CDH7: variants seen among roughly 807,000 people sequenced by gnomAD.
The protein encoded by CDH7 is cadherin 7.
In CDH7, 25 loss-of-function variants were observed where a neutral mutation model predicts 71.8. The observed-to-expected ratio is 0.35, with a 90% CI of 0.25 to 0.49. CDH7 has a LOEUF of 0.49. CDH7 is among the 20% of genes least tolerant of loss of function. CDH7 has a pLI of 0.99. For synonymous variants in CDH7, 381 were observed against 363.8 expected (o/e 1.05, Z -0.54); for missense variants, 862 against 974.6 (o/e 0.88, Z 1.54).
At chr18:65,846,278 T>C (rs1040339479) in intron 7 of CDH7, among the ~76,000 whole-genome samples, 1 of 152,080 alleles carries the variant, frequency 6.6e-6, no homozygotes, top group Non-Finnish European at 1.5e-5. Context: ...TAAAAATCTC[T>C]GTGGTCTTTA....
intron 6 of CDH7, among the ~76,000 whole-genome samples, chr18:65,825,244 A>G (rs1445662280): frequency 6.6e-6 from 1 of 151,952 alleles, no homozygotes; most frequent in Non-Finnish European, 1.5e-5. Flanking sequence ...TTTCAAGTGG[A>G]AACCAAAATG....
chr18:65,854,446 T>C (rs1296478321), intron 7 of CDH7, among the ~76,000 whole-genome samples: 2 of 152,184 alleles, frequency 1.3e-5, no homozygotes, highest in Non-Finnish European at 2.9e-5. Context: ...CTAAATTATT[T>C]GTAGTTTTCT....
In CDH7 at chr18:65,814,595, C is replaced by A. The variant is rs771556375; in HGVS notation, c.616C>A (p.Pro206Thr). 9.3e-6 allele frequency: 15 copies of A among 1,605,598 alleles called. No homozygotes were observed. Among genetic ancestry groups the A allele is most frequent in the Non-Finnish European group, 1.3e-5 (15 of 1,176,508 alleles). ...AGGACAGCCGTACTTCTCAGTGGAG[C>A]CAAAGACAGGTAAAAATTGAAATGT... ...LQGQPYFSVE[P>T]KTGVIKTALP... The change falls in exon 4 of 12, where the codon CCA becomes ACA. Residue 206 changes from proline to threonine, a missense_variant. Transcript: ENST00000397968.
At chr18:65,848,893 T>A (rs1913029838) in intron 7 of CDH7, among the ~76,000 whole-genome samples, 1 of 152,228 alleles carries the variant, frequency 6.6e-6, no homozygotes, top group African/African-American at 2.4e-5. Context: ...AAAGTGATAA[T>A]ATTATGTTGG....
intron 11 of CDH7, chr18:65,865,296 T>C (rs753279416): frequency 1.3e-5 from 2 of 152,158 alleles, no homozygotes; most frequent in Non-Finnish European, 1.5e-5. Flanking sequence ...AGTATACATA[T>C]ACAGTATGTG....
At chr18:65,800,732 A>G (rs1019215601) in intron 2 of CDH7, among the ~76,000 whole-genome samples, 1 of 152,248 alleles carries the variant, frequency 6.6e-6, no homozygotes, top group African/African-American at 2.4e-5. Flanking sequence ...AATATAGGTT[A>G]TAATATATTT....
intron 2 of CDH7, chr18:65,803,242 C>G (rs1243716707): frequency 6.6e-6 from 1 of 152,036 alleles, no homozygotes; most frequent in Non-Finnish European, 1.5e-5. Context: ...TTGGGCCACT[C>G]TGCCTCTAAG....
At position 65,762,775 on chromosome 18, in the gene CDH7, A is replaced by C. The variant is rs1345047199; in HGVS notation, c.-68A>C. 1 of 1,385,522 alleles carries C rather than the reference A, an allele frequency of 7.2e-7. No homozygotes were observed. The highest frequency in any genetic ancestry group is 9.9e-7 in the Non-Finnish European group (1 of 1,009,712). 85.8% of individuals were successfully genotyped at this position (1,385,522 alleles called of 1,614,324 possible). A position where few individuals can be genotyped will look rare whatever the true frequency, so the allele number is the denominator to read the frequency against. ...GCCGGAGGCAAGAGCTACTAAGCCA[A>C]CTGGAACTGTGCCTTTTCTCTTGTC... On this transcript the variant is annotated 5_prime_UTR_variant, in exon 2 of 12. Transcript: ENST00000397968.
At chr18:65,799,245 G>T (rs763957056) in intron 2 of CDH7, among the ~76,000 whole-genome samples, 25 of 152,204 alleles carry the variant, frequency 1.6e-4, no homozygotes, top group South Asian at 4.1e-4. Flanking sequence ...TGTGACACTT[G>T]TCCTAGTCTG....
At chr18:65,861,543 A>C (rs542056355) in intron 10 of CDH7, among the ~76,000 whole-genome samples, 6 of 152,310 alleles carry the variant, frequency 3.9e-5, no homozygotes, top group Admixed American at 3.3e-4. Flanking sequence ...TTAATTTTTT[A>C]GTGAGTACCT....
intron 4 of CDH7, among the ~76,000 whole-genome samples, chr18:65,820,925 A>G (rs76181123): frequency 0.053 from 8,114 of 152,212 alleles, 298 homozygotes; most frequent in South Asian, 0.12. Context: ...TACTGATATT[A>G]GAAGGAAAAA....
intron 2 of CDH7, among the ~76,000 whole-genome samples, chr18:65,773,216 A>G (rs961467498): frequency 6.6e-6 from 1 of 152,158 alleles, no homozygotes; most frequent in Non-Finnish European, 1.5e-5. Context: ...AATTCACCAA[A>G]AAGTATAAAT....
intron 2 of CDH7, among the ~76,000 whole-genome samples, chr18:65,800,281 A>G (rs768075690): frequency 7.2e-5 from 11 of 151,972 alleles, no homozygotes; most frequent in Admixed American, 2.6e-4. Flanking sequence ...GGGTTTCACC[A>G]TGTTAGCCAG....
chr18:65,877,069 A>C (rs1361209178), intron 11 of CDH7, among the ~76,000 whole-genome samples: 1 of 152,226 alleles, frequency 6.6e-6, no homozygotes, highest in Non-Finnish European at 1.5e-5. Flanking sequence ...GAGTCTATGA[A>C]GAACAGTTAA....
intron 4 of CDH7, among the ~76,000 whole-genome samples, chr18:65,817,312 C>A (rs191978088): frequency 6.6e-6 from 1 of 152,272 alleles, no homozygotes; most frequent in Non-Finnish European, 1.5e-5. Flanking sequence ...CCTTCCTACA[C>A]GCCCGGTTCT....
intron 5 of CDH7, among the ~76,000 whole-genome samples, chr18:65,823,393 C>A (rs1912008998): frequency 6.6e-6 from 1 of 151,734 alleles, no homozygotes; most frequent in East Asian, 1.9e-4. Flanking sequence ...GAACTGCTTT[C>A]CTTTTGTTTA....
At chr18:65,831,021 G>C (rs1912331612) in intron 6 of CDH7, among the ~76,000 whole-genome samples, 1 of 151,938 alleles carries the variant, frequency 6.6e-6, no homozygotes, top group Non-Finnish European at 1.5e-5. Flanking sequence ...ATTCCAGCTA[G>C]TCTTAAAAGA....
chr18:65,794,050 A>G (rs1196378565), intron 2 of CDH7, among the ~76,000 whole-genome samples: 2 of 152,162 alleles, frequency 1.3e-5, no homozygotes, highest in African/African-American at 2.4e-5. Flanking sequence ...AGTAGGAAGT[A>G]GGAGACAAGA....
intron 2 of CDH7, among the ~76,000 whole-genome samples, chr18:65,770,078 A>G (rs1315331826): frequency 6.6e-6 from 1 of 152,204 alleles, no homozygotes; most frequent in Non-Finnish European, 1.5e-5. Context: ...TCTGTTGTCC[A>G]TGTTTAGAAT....
Sources: gnomAD v4.1 joint callset for allele counts (sites outside exome capture counted in the v4.1 genomes callset) on GRCh38, gnomAD v4.1.1 for gene constraint, MANE v1.5 for transcripts, NCBI Gene and HGNC (gene_info 2026-07-23, HGNC 2026-07-21) for gene names.